Variants in SYAP1 observed in about 807,000 individuals in gnomAD.
SYAP1 encodes synapse-associated protein 1.
A neutral mutation model predicts 29.6 loss-of-function variants in SYAP1; 3 were observed. The observed-to-expected ratio is 0.10, with a 90% CI of 0.05 to 0.26. The LOEUF is 0.26. SYAP1 is among the 10% of genes least tolerant of loss of function. SYAP1 has a pLI of 1.00. For missense variants in SYAP1, 217 were observed against 264.1 expected, an observed-to-expected ratio of 0.82 and a Z score of 1.24; for synonymous variants, 102 against 102.7, an observed-to-expected ratio of 0.99 and a Z score of 0.04.
chrX:16,720,947 A>G (rs1293335066), intron 1 of SYAP1, among the ~76,000 whole-genome samples: 2 of 110,373 alleles, frequency 1.8e-5, no homozygotes, highest in African/African-American at 6.6e-5. Context: ...GGGGAGGTGG[A>G]AGTTGCAGTG....
At chrX:16,750,295 A>G (rs1419087044) in intron 5 of SYAP1, among the ~76,000 whole-genome samples, 2 of 112,112 alleles carry the variant, frequency 1.8e-5, no homozygotes, top group Non-Finnish European at 1.9e-5. Context: ...GTGGTCAACT[A>G]TAATCCCTTA....
chrX:16,739,478 T>TC (rs1926404072), intron 3 of SYAP1, among the ~76,000 whole-genome samples: 1 of 98,426 alleles, frequency 1.0e-5, no homozygotes. Context: ...CTCTCTCTCT[T>TC]TTTTTTTTTT....
intron 5 of SYAP1, among the ~76,000 whole-genome samples, chrX:16,748,429 A>G (rs1057440164): frequency 2.7e-5 from 3 of 112,874 alleles, no homozygotes; most frequent in Non-Finnish European, 5.6e-5. Flanking sequence ...TTCTGAACAG[A>G]AGCCATCATT....
intron 5 of SYAP1, among the ~76,000 whole-genome samples, chrX:16,748,214 A>T (rs1299085288): frequency 8.9e-6 from 1 of 112,537 alleles, no homozygotes; most frequent in African/African-American, 3.2e-5. Flanking sequence ...GGAGGGGAAG[A>T]TAGATGGAAC....
chrX:16,743,933 C>A, intron 5 of SYAP1, 93 bp downstream of exon 5: 1 of 1,028,604 alleles, frequency 9.7e-7, no homozygotes, highest in Non-Finnish European at 1.3e-6. Flanking sequence ...GGGTCTCTAT[C>A]TGTTCATAAA....
At chrX:16,742,913 C>A (rs935754609) in intron 4 of SYAP1, among the ~76,000 whole-genome samples, 8 of 103,598 alleles carry the variant, frequency 7.7e-5, no homozygotes, top group Admixed American at 4.3e-4. Context: ...ACACCCTGTC[C>A]GCTTCTATTT....
rs1019792090 is a variant in SYAP1 at position 16,764,225 on chromosome X, T to A, written c.*3866T>A. 2 of 111,368 alleles carry A rather than the reference T, an allele frequency of 1.8e-5. No individual in the cohort carries two copies. Among genetic ancestry groups the A allele is most frequent in the African/African-American group, 6.5e-5 (2 of 30,686 alleles). The allele number at this position is 111,368 out of a possible 1,213,427, so 9.2% of individuals were successfully genotyped here. ...CAGGACTCTGAATGTGCATCAATAA[T>A]TCAAATAATTTTATATAGTTACTCT... On this transcript the variant is annotated 3_prime_UTR_variant, in exon 9 of 9. Transcript: ENST00000380155.
At chrX:16,743,085 T>C (rs898604950) in intron 4 of SYAP1, among the ~76,000 whole-genome samples, 1 of 109,384 alleles carries the variant, frequency 9.1e-6, no homozygotes, top group African/African-American at 3.3e-5. Context: ...CCCAGCACTT[T>C]GGGAGGCCAA....
rs1602340373 is a variant in SYAP1, at chrX:16,762,380, T to C, written c.*2021T>C. On this transcript the variant is annotated 3_prime_UTR_variant, in exon 9 of 9. Transcript: ENST00000380155. Reference sequence around the variant, plus strand: ...TTATTGCTATCAATTTTACATAATATCTCATTTAAAAACAACCTAATTATG... The same window carrying C: ...TTATTGCTATCAATTTTACATAATACCTCATTTAAAAACAACCTAATTATG... The C allele has an allele frequency of 9.0e-6, 1 of 111,436 alleles. No individual in the cohort carries two copies. The highest frequency in any genetic ancestry group is 2.8e-4 in the East Asian group (1 of 3,583). The allele number at this position is 111,436 out of a possible 1,213,427, so 9.2% of individuals were successfully genotyped here.
intron 3 of SYAP1, among the ~76,000 whole-genome samples, chrX:16,740,359 T>A (rs892350970): frequency 5.7e-5 from 6 of 104,917 alleles, no homozygotes; most frequent in Non-Finnish European, 7.6e-5. Flanking sequence ...TTTTTTTTTT[T>A]AGCTCCTGAA....
chrX:16,745,304 T>A (rs1926572336), intron 5 of SYAP1, among the ~76,000 whole-genome samples: 1 of 111,915 alleles, frequency 8.9e-6, no homozygotes, highest in African/African-American at 3.2e-5. Flanking sequence ...GTGCCACCGG[T>A]CCCTGAGTGT....
At chrX:16,736,510 T>A (rs887337541) in intron 3 of SYAP1, 7 of 206,613 alleles carry the variant, frequency 3.4e-5, no homozygotes, top group African/African-American at 9.0e-5. Flanking sequence ...TTCTCTTTTC[T>A]TTTCCCCCAC....
In SYAP1 at chrX:16,761,244, ATTTGTT is replaced by A. The variant is rs1383880586; in HGVS notation, c.*889_*894del. On this transcript the variant is annotated 3_prime_UTR_variant, in exon 9 of 9. Coordinates refer to ENST00000380155, the MANE Select transcript of SYAP1 (RefSeq NM_032796.4). ...AAAAAAAAAAAAGCTGTGCGAAAATATTTGTTTTTCTCTGGGGCCTTTTCTTTCTTT... is the reference window on the plus strand; with the variant it reads ...AAAAAAAAAAAAGCTGTGCGAAAATATTTCTCTGGGGCCTTTTCTTTCTTT... The A allele has an allele frequency of 2.9e-5, 3 of 104,633 alleles. No individual in the cohort carries two copies. The highest frequency in any genetic ancestry group is 3.9e-5 in the Non-Finnish European group (2 of 50,965). The allele number at this position is 104,633 out of a possible 1,213,427, so 8.6% of individuals were successfully genotyped here. A position where few individuals can be genotyped will look rare whatever the true frequency, so the allele number is the denominator to read the frequency against.
chrX:16,747,013 G>A (rs1216080196), intron 5 of SYAP1, among the ~76,000 whole-genome samples: 1 of 111,917 alleles, frequency 8.9e-6, no homozygotes, highest in East Asian at 2.8e-4. Flanking sequence ...GAATGCAGTG[G>A]CACAGTAGCT....
chrX:16,758,084 C>T (rs1280982298), intron 8 of SYAP1, among the ~76,000 whole-genome samples: 1 of 111,205 alleles, frequency 9.0e-6, no homozygotes, highest in Non-Finnish European at 1.9e-5. Context: ...CACTCTGTCA[C>T]CCAGGCTGAA....
intron 5 of SYAP1, among the ~76,000 whole-genome samples, chrX:16,752,367 T>G (rs1024128911): frequency 5.5e-4 from 46 of 83,202 alleles, no homozygotes; most frequent in Non-Finnish European, 9.5e-4. Context: ...ATCAATGGAT[T>G]ATTATTATTA....
Position 16,761,488 on chromosome X carries a change from T to A in SYAP1, c.*1129T>A, listed in dbSNP as rs1443181478. ...CCTCCGAGTTCACCTTCTAGGACTT[T>A]ATTGATTAATCCTTCTCTTTCTGCT... On this transcript the variant is annotated 3_prime_UTR_variant, in exon 9 of 9. Coordinates refer to ENST00000380155, the MANE Select transcript of SYAP1 (RefSeq NM_032796.4). 1 of 111,598 alleles carries A rather than the reference T, an allele frequency of 9.0e-6. No individual in the cohort carries two copies. Among genetic ancestry groups the A allele is most frequent in the Non-Finnish European group, 1.9e-5 (1 of 53,208 alleles). The allele number at this position is 111,598 out of a possible 1,213,427, so 9.2% of individuals were successfully genotyped here. A position where few individuals can be genotyped will look rare whatever the true frequency, so the allele number is the denominator to read the frequency against.
intron 5 of SYAP1, among the ~76,000 whole-genome samples, chrX:16,751,322 C>G (rs1051192129): frequency 9.4e-6 from 1 of 106,482 alleles, no homozygotes. Context: ...CACGGTAGCA[C>G]GTGCCTGTAG....
intron 1 of SYAP1, among the ~76,000 whole-genome samples, chrX:16,733,881 T>C (rs769902846): frequency 1.5e-3 from 167 of 109,943 alleles, no homozygotes; most frequent in African/African-American, 5.2e-3. Context: ...TTGGTCAGAC[T>C]GGTCTCGAAC....
Sources: gnomAD v4.1 joint callset for allele counts (sites outside exome capture counted in the v4.1 genomes callset) on GRCh38, gnomAD v4.1.1 for gene constraint, MANE v1.5 for transcripts, NCBI Gene and HGNC (gene_info 2026-07-23, HGNC 2026-07-21) for gene names.